GALK2: variants seen among roughly 807,000 people sequenced by gnomAD.
GALK2 encodes galactokinase 2.
In GALK2, 36 loss-of-function variants were observed where a neutral mutation model predicts 52.4. That is an observed-to-expected ratio of 0.69 (90% CI 0.53 to 0.91). The LOEUF (loss-of-function observed/expected upper bound fraction) is 0.91, where lower values mean the gene tolerates loss of function less well. GALK2 is among the 40% of genes least tolerant of loss of function. The pLI, the probability that GALK2 is intolerant of heterozygous loss-of-function variation, is 0.00. For synonymous variants in GALK2, 176 were observed against 199.1 expected, an observed-to-expected ratio of 0.88 and a Z score of 0.98; for missense variants, 579 against 559.1, an observed-to-expected ratio of 1.04 and a Z score of -0.36.
intron 2 of GALK2, among the ~76,000 whole-genome samples, chr15:49,212,259 A>C (rs1329636045): frequency 6.6e-6 from 1 of 151,720 alleles, no homozygotes; most frequent in Non-Finnish European, 1.5e-5. Flanking sequence ...TGCCTGGATA[A>C]TTTTTGTATT....
In GALK2 at chr15:49,319,767, C is replaced by A; in HGVS notation, c.1131C>A (p.Cys377Ter). Residue 377 changes from cysteine to a stop codon, truncating the protein, a stop_gained, in exon 9 of 10, where the codon TGC becomes TGA. Transcript: ENST00000560031. LOFTEE classifies it high-confidence loss of function. ...SHMSCRDMYE[C>*]SCPELDQLVD... ...TGAGCTGCCGGGACATGTATGAGTGCAGCTGCCCCGAGCTGGATCAGCTGG... is the reference window on the plus strand; with the variant it reads ...TGAGCTGCCGGGACATGTATGAGTGAAGCTGCCCCGAGCTGGATCAGCTGG... The A allele has an allele frequency of 7.4e-6, 12 of 1,614,048 alleles. No homozygotes were observed. The highest frequency in any genetic ancestry group is 1.0e-5 in the Non-Finnish European group (12 of 1,180,028).
chr15:49,187,941 G>C (rs917428134), intron 1 of GALK2, among the ~76,000 whole-genome samples: 1 of 152,078 alleles, frequency 6.6e-6, no homozygotes, highest in Non-Finnish European at 1.5e-5. Context: ...CAGTAACCAG[G>C]CTGGTACCCA....
At chr15:49,273,466 G>A (rs553668870) in intron 5 of GALK2, among the ~76,000 whole-genome samples, 34 of 151,898 alleles carry the variant, frequency 2.2e-4, no homozygotes, top group Admixed American at 1.9e-3. Context: ...TAAAAAATGC[G>A]AAAGTTGCTA....
chr15:49,203,262 G>T (rs2087952358), intron 2 of GALK2, among the ~76,000 whole-genome samples: 1 of 152,034 alleles, frequency 6.6e-6, no homozygotes, highest in African/African-American at 2.4e-5. Flanking sequence ...TGTTGGCCAG[G>T]ATGGTCTTGA....
chr15:49,170,021 A>T (rs1407573445), upstream of GALK2: 12 of 373,080 alleles, frequency 3.2e-5, no homozygotes, highest in Non-Finnish European at 5.8e-5. Context: ...CTCACTAGTC[A>T]GCTTCGCACG....
chr15:49,328,897 T>A lies in GALK2; in HGVS notation c.*738T>A. The A allele has an allele frequency of 1.2e-5, 15 of 1,254,248 alleles. No individual in the cohort carries two copies. The highest frequency in any genetic ancestry group is 1.5e-5 in the Non-Finnish European group (15 of 993,108). The allele number at this position is 1,254,248 out of a possible 1,614,324, so 77.7% of individuals were successfully genotyped here. A position where few individuals can be genotyped will look rare whatever the true frequency, so the allele number is the denominator to read the frequency against. ...TCTTTTGGCCCTGAGCTATCTCCATTACTTAATAGAAAAACTTAGATAAAA... is the reference window on the plus strand; with the variant it reads ...TCTTTTGGCCCTGAGCTATCTCCATAACTTAATAGAAAAACTTAGATAAAA... On this transcript the variant is annotated 3_prime_UTR_variant, in exon 10 of 10. Coordinates refer to ENST00000560031, the MANE Select transcript of GALK2 (RefSeq NM_002044.4).
downstream of GALK2, among the ~76,000 whole-genome samples, chr15:49,335,769 G>C (rs1238684834): frequency 6.6e-6 from 1 of 152,198 alleles, no homozygotes; most frequent in Admixed American, 6.5e-5. Context: ...CCTTTTGTAT[G>C]TGTTTGTTTT....
In GALK2 at chr15:49,285,420, A is replaced by ATGTTTAAATGTTGG. The variant is rs573853383; in HGVS notation, c.756+1707_756+1720dup. ...CAGGAATTCACTCCTCCTCCCACAG[A>ATGTTTAAATGTTGG]TGTTTAAATGTTGGTGTTCTTCAAG... On this transcript the variant is annotated intron_variant, in intron 7 of 9. Coordinates refer to ENST00000560031, the MANE Select transcript of GALK2 (RefSeq NM_002044.4). Among the ~76,000 whole-genome samples the ATGTTTAAATGTTGG allele has an allele frequency of 1.2e-3, 176 of 152,248 alleles. 2 individuals are homozygous for ATGTTTAAATGTTGG. Among genetic ancestry groups the ATGTTTAAATGTTGG allele is most frequent in the Admixed American group, 0.01 (153 of 15,292 alleles).
In GALK2 at chr15:49,331,501, G is replaced by A. The variant is rs1427342290; in HGVS notation, c.*3342G>A. ...AAAACTTACAATTTTAAACATCAGT[G>A]ATTATTAGTTTGTAATTCTAACTGC... On this transcript the variant is annotated 3_prime_UTR_variant, in exon 10 of 10. Coordinates refer to ENST00000560031, the MANE Select transcript of GALK2 (RefSeq NM_002044.4). 2 of 368,376 alleles carry A rather than the reference G, an allele frequency of 5.4e-6. No homozygotes were observed. Among genetic ancestry groups the A allele is most frequent in the Non-Finnish European group, 9.8e-6 (2 of 203,926 alleles). The allele number at this position is 368,376 out of a possible 1,614,324, so 22.8% of individuals were successfully genotyped here.
intron 2 of GALK2, among the ~76,000 whole-genome samples, chr15:49,209,098 C>G (rs2088579950): frequency 6.6e-6 from 1 of 152,078 alleles, no homozygotes; most frequent in African/African-American, 2.4e-5. Context: ...TTGGTTAGTC[C>G]TTATCCTTTT....
At chr15:49,178,750 C>T (rs2085727635) in intron 1 of GALK2, 1 of 215,364 alleles carries the variant, frequency 4.6e-6, no homozygotes, top group South Asian at 8.4e-5. Flanking sequence ...TCTTGGCTTA[C>T]CTGATGGCTG....
At position 49,329,634 on chromosome 15, in the gene GALK2, TGCTTGAGAAA is replaced by T. The variant is rs1344296989; in HGVS notation, c.*1483_*1492del. The T allele has an allele frequency of 1.7e-4, 172 of 985,004 alleles. No homozygotes were observed. Among genetic ancestry groups the T allele is most frequent in the Non-Finnish European group, 2.0e-4 (168 of 829,536 alleles). 61.0% of individuals were successfully genotyped at this position (985,004 alleles called of 1,614,324 possible). On this transcript the variant is annotated 3_prime_UTR_variant, in exon 10 of 10. Coordinates refer to ENST00000560031, the MANE Select transcript of GALK2 (RefSeq NM_002044.4). ...TTTTCATTCTTAGCAGAAAGGTAAA[TGCTTGAGAAA>T]GCTTGAGTCAAATTTGTTAAAAGAA... is the stretch of plus-strand genomic sequence containing the variant.
intron 5 of GALK2, among the ~76,000 whole-genome samples, chr15:49,276,970 C>T (rs372159529): frequency 0.029 from 780 of 27,306 alleles, no homozygotes; most frequent in Middle Eastern, 0.056. Flanking sequence ...TTTTTCTTTT[C>T]TTTTTTTTTT....
intron 1 of GALK2, chr15:49,195,238 A>C (rs755466321): frequency 2.0e-5 from 7 of 348,648 alleles, no homozygotes; most frequent in South Asian, 1.3e-4. Flanking sequence ...TGCTGGGCTA[A>C]TTTTTTGTAT....
chr15:49,161,366 A>G (rs1333150601), intron 1 of GALK2, among the ~76,000 whole-genome samples: 1 of 152,226 alleles, frequency 6.6e-6, no homozygotes, highest in African/African-American at 2.4e-5. Context: ...TAGTTGGATA[A>G]ATAAAAATGT....
chr15:49,315,885 G>GC (rs2036366508), intron 8 of GALK2, among the ~76,000 whole-genome samples: 1 of 152,024 alleles, frequency 6.6e-6, no homozygotes, highest in Admixed American at 6.6e-5. Flanking sequence ...CCAGTCCTGG[G>GC]TTTAATAGAA....
At chr15:49,156,388 C>G in intron 1 of GALK2, 1 of 419,914 alleles carries the variant, frequency 2.4e-6, no homozygotes, top group Non-Finnish European at 4.6e-6. Context: ...AAAGGGAAAT[C>G]CGCAACATGA....
intron 3 of GALK2, among the ~76,000 whole-genome samples, chr15:49,232,870 C>T (rs531744531): frequency 6.6e-6 from 1 of 152,296 alleles, no homozygotes; most frequent in Non-Finnish European, 1.5e-5. Flanking sequence ...ATTTCATTGT[C>T]CATATCACTA....
At chr15:49,160,472 A>G (rs1207677468) in intron 1 of GALK2, among the ~76,000 whole-genome samples, 2 of 152,068 alleles carry the variant, frequency 1.3e-5, no homozygotes, top group Non-Finnish European at 2.9e-5. Flanking sequence ...CTATACTTGT[A>G]ACTTTACAAC....
Sources: allele counts gnomAD v4.1 joint callset (sites outside exome capture counted in the v4.1 genomes callset), GRCh38; gene constraint gnomAD v4.1.1; transcripts MANE v1.5; gene names NCBI Gene and HGNC (gene_info 2026-07-23, HGNC 2026-07-21).